Variants in ARMC1 observed in about 807,000 individuals in gnomAD.
The protein encoded by ARMC1 is armadillo repeat containing 1, also known as armadillo repeat-containing protein 1.
ARMC1 carries 16 observed loss-of-function variants against 31.4 expected under a neutral mutation model. The ratio of observed to expected loss-of-function variants is 0.51; its 90% confidence interval spans 0.34 to 0.77. The LOEUF is 0.77. Among genes scored for constraint, ARMC1 ranks in the 30% least tolerant of loss-of-function variants. The pLI is 0.01. For synonymous variants in ARMC1, 114 were observed against 118.9 expected (o/e 0.96, Z 0.27); for missense variants, 259 against 347.5 (o/e 0.75, Z 2.02).
chr8:65,623,461 T>C (rs1808441138), intron 2 of ARMC1, among the ~76,000 whole-genome samples: 1 of 150,826 alleles, frequency 6.6e-6, no homozygotes, highest in African/African-American at 2.4e-5. Context: ...ATACAAAAAT[T>C]AGCCGGGCAT....
intron 2 of ARMC1, among the ~76,000 whole-genome samples, chr8:65,624,404 C>G (rs973155257): frequency 2.8e-5 from 4 of 145,342 alleles, no homozygotes; most frequent in Non-Finnish European, 4.5e-5. Flanking sequence ...GAGGCTGAGG[C>G]AGAAGAATCA....
At chr8:65,608,252 C>T (rs1199573690) in intron 4 of ARMC1, among the ~76,000 whole-genome samples, 2 of 152,136 alleles carry the variant, frequency 1.3e-5, no homozygotes, top group African/African-American at 2.4e-5. Context: ...CTGGGCCAGG[C>T]GCGGTGGCTC....
chr8:65,631,339 A>G (rs1375782373), intron 1 of ARMC1, among the ~76,000 whole-genome samples: 1 of 152,124 alleles, frequency 6.6e-6, no homozygotes, highest in Non-Finnish European at 1.5e-5. Context: ...GGTTCAAGCA[A>G]TTCTCCTGCC....
Position 65,604,355 on chromosome 8 carries a change from C to T in ARMC1, c.*39G>A, listed in dbSNP as rs1182190042. Reference sequence around the variant, plus strand: ...TCACCACAACAATGGAAAACTGGCCCCTTGTTGGTTCACACAGTCCTTGAG... The same window carrying T: ...TCACCACAACAATGGAAAACTGGCCTCTTGTTGGTTCACACAGTCCTTGAG... On this transcript the variant is annotated 3_prime_UTR_variant, in exon 7 of 7. Transcript: ENST00000276569. 4 of 1,572,580 alleles carry T rather than the reference C, an allele frequency of 2.5e-6. No individual in the cohort carries two copies. The highest frequency in any genetic ancestry group is 2.0e-4 in the Middle Eastern group (1 of 5,062).
intron 3 of ARMC1, among the ~76,000 whole-genome samples, chr8:65,615,617 G>A (rs1808233331): frequency 6.6e-6 from 1 of 152,132 alleles, no homozygotes; most frequent in African/African-American, 2.4e-5. Flanking sequence ...TGAGGCAGGA[G>A]AATCACTTGG....
intron 1 of ARMC1, 49 bp from the exon 2 acceptor site, chr8:65,627,482 T>C (rs1275019113): frequency 3.7e-6 from 4 of 1,094,930 alleles, no homozygotes; most frequent in African/African-American, 3.2e-5. Flanking sequence ...AGGTATATTA[T>C]AGCACTTGTG....
intron 2 of ARMC1, among the ~76,000 whole-genome samples, chr8:65,623,767 GAAGACAACA>G (rs1166675486): frequency 7.8e-6 from 1 of 127,686 alleles, no homozygotes; most frequent in Non-Finnish European, 1.6e-5. Flanking sequence ...GTACATGCCA[GAAGACAACA>G]AAGTAAAATC....
intron 2 of ARMC1, among the ~76,000 whole-genome samples, chr8:65,626,442 A>G (rs1322457557): frequency 1.2e-4 from 1 of 8,484 alleles, no homozygotes; most frequent in East Asian, 1.1e-3. Flanking sequence ...TATCTCTACT[A>G]AAAAAAAAAA....
At chr8:65,622,740 C>CGTGGGAT (rs1808420859) in intron 2 of ARMC1, among the ~76,000 whole-genome samples, 1 of 150,904 alleles carries the variant, frequency 6.6e-6, no homozygotes, top group African/African-American at 2.4e-5. Context: ...GCGGGGGGAA[C>CGTGGGAT]GACGTGGGCA....
At chr8:65,624,070 T>C (rs1332869384) in intron 2 of ARMC1, among the ~76,000 whole-genome samples, 2 of 150,384 alleles carry the variant, frequency 1.3e-5, no homozygotes, top group Non-Finnish European at 3.0e-5. Context: ...AGTGCTTGGA[T>C]TACAGGCATG....
chr8:65,604,249 A>G lies in ARMC1; in HGVS notation c.*145T>C, dbSNP rs1357976808. ...ACCACTCAGTGGGGTAAAATGTCCA[A>G]TAAAACGTGAAATGCAGCATATGCG... On this transcript the variant is annotated 3_prime_UTR_variant, in exon 7 of 7. Transcript: ENST00000276569. 2 of 706,256 alleles carry G rather than the reference A, an allele frequency of 2.8e-6. No individual in the cohort carries two copies. Among genetic ancestry groups the G allele is most frequent in the Non-Finnish European group, 4.6e-6 (2 of 437,752 alleles). 43.7% of individuals were successfully genotyped at this position (706,256 alleles called of 1,614,324 possible).
chr8:65,621,683 A>G (rs73236986), intron 3 of ARMC1, among the ~76,000 whole-genome samples: 20,323 of 151,920 alleles, frequency 0.13, 2,241 homozygotes, highest in East Asian at 0.52. Context: ...TAATTTTTGT[A>G]TTTTTACTAG....
At chr8:65,623,989 G>C (rs1452969399) in intron 2 of ARMC1, among the ~76,000 whole-genome samples, 1 of 150,484 alleles carries the variant, frequency 6.6e-6, no homozygotes, top group Non-Finnish European at 1.5e-5. Context: ...GTAATGATGG[G>C]TTTTTGCCAT....
intron 1 of ARMC1, among the ~76,000 whole-genome samples, chr8:65,632,367 A>G (rs1013422618): frequency 6.6e-6 from 1 of 152,000 alleles, no homozygotes; most frequent in African/African-American, 2.4e-5. Context: ...ATAATAATAA[A>G]ATTTGGGAGG....
intron 3 of ARMC1, among the ~76,000 whole-genome samples, chr8:65,616,546 G>A (rs1411549043): frequency 1.1e-4 from 17 of 151,602 alleles, no homozygotes; most frequent in South Asian, 6.3e-4. Flanking sequence ...GCCTCTGCCC[G>A]GCCGCCACCC....
In ARMC1 at chr8:65,622,260, T is replaced by TA. The variant is rs752817744; in HGVS notation, c.275+2dup. The TA allele has an allele frequency of 6.2e-7, 1 of 1,604,624 alleles. No individual in the cohort carries two copies. The highest frequency in any genetic ancestry group is 8.5e-7 in the Non-Finnish European group (1 of 1,171,642). ...TAAATGAGACACTGTCTATTGTACTTACTTCTGTATAACATTTTGTAAGCT... is the reference window on the plus strand; with the variant it reads ...TAAATGAGACACTGTCTATTGTACTTAACTTCTGTATAACATTTTGTAAGCT... On this transcript the variant is annotated splice_region_variant and intron_variant, in intron 3 of 6. Transcript: ENST00000276569.
At chr8:65,622,234 A>G in intron 3 of ARMC1, 29 bp downstream of exon 3, 4 of 1,543,186 alleles carry the variant, frequency 2.6e-6, no homozygotes, top group Non-Finnish European at 3.6e-6. Context: ...AAGTATATAA[A>G]TAAATGAGAC....
intron 3 of ARMC1, among the ~76,000 whole-genome samples, chr8:65,618,917 C>A (rs1280437802): frequency 1.3e-5 from 2 of 152,024 alleles, no homozygotes; most frequent in Non-Finnish European, 2.9e-5. Flanking sequence ...GTGGCACGTA[C>A]CTGTGGTCCC....
intron 1 of ARMC1, among the ~76,000 whole-genome samples, chr8:65,632,388 C>T (rs991769989): frequency 1.3e-5 from 2 of 151,954 alleles, no homozygotes; most frequent in South Asian, 2.1e-4. Flanking sequence ...CCGAGGCGAG[C>T]GGATTACGAG....
Sources: allele counts gnomAD v4.1 joint callset (sites outside exome capture counted in the v4.1 genomes callset), GRCh38; gene constraint gnomAD v4.1.1; transcripts MANE v1.5; gene names NCBI Gene and HGNC (gene_info 2026-07-23, HGNC 2026-07-21).